The following ITSN1 variants were observed in gnomAD, a reference collection of about 807,000 sequenced individuals.
ITSN1 encodes the protein intersectin-1.
ITSN1 carries 58 observed loss-of-function variants against 239.8 expected under a neutral mutation model. That is an observed-to-expected ratio of 0.24 (90% CI 0.20 to 0.30). The LOEUF (loss-of-function observed/expected upper bound fraction) is 0.30. Ranked by LOEUF, ITSN1 falls within the 10% of genes least tolerant of loss-of-function variation. The pLI, the probability that ITSN1 is intolerant of heterozygous loss-of-function variation, is 1.00. For missense variants in ITSN1, 1,558 were observed against 2,103.3 expected (o/e 0.74, Z 5.07); for synonymous variants, 780 against 770.8 (o/e 1.01, Z -0.20).
intron 31 of ITSN1, among the ~76,000 whole-genome samples, chr21:33,860,883 G>T (rs1295023470): frequency 6.6e-6 from 1 of 152,142 alleles, no homozygotes; most frequent in Non-Finnish European, 1.5e-5. Flanking sequence ...TACCATGCAC[G>T]GTCATTCTGA....
intron 2 of ITSN1, among the ~76,000 whole-genome samples, chr21:33,719,277 T>C (rs1408278445): frequency 6.6e-6 from 1 of 151,828 alleles, no homozygotes; most frequent in African/African-American, 2.4e-5. Context: ...CCTGTCTCTA[T>C]GAAAAATACA....
chr21:33,855,782 G>A (rs1979209742), intron 29 of ITSN1, among the ~76,000 whole-genome samples: 2 of 152,228 alleles, frequency 1.3e-5, no homozygotes, highest in African/African-American at 4.8e-5. Context: ...CTCTGCAGTG[G>A]GAAGGACTAC....
At chr21:33,839,765 T>G (rs974476037) in intron 29 of ITSN1, among the ~76,000 whole-genome samples, 1 of 152,180 alleles carries the variant, frequency 6.6e-6, no homozygotes, top group Non-Finnish European at 1.5e-5. Flanking sequence ...TTGACATGGG[T>G]TGTTCCCCAG....
chr21:33,693,051 CT>C (rs2091621855), intron 1 of ITSN1, among the ~76,000 whole-genome samples: 1 of 152,178 alleles, frequency 6.6e-6, no homozygotes, highest in Non-Finnish European at 1.5e-5. Flanking sequence ...CCCACCTCGC[CT>C]CCCGAAGTGC....
intron 20 of ITSN1, among the ~76,000 whole-genome samples, chr21:33,807,801 T>G (rs373660944): frequency 6.6e-6 from 1 of 152,092 alleles, no homozygotes; most frequent in Non-Finnish European, 1.5e-5. Context: ...GGCAAGAAGG[T>G]AAACCTAGAG....
Position 33,663,051 on chromosome 21 carries a change from C to T in ITSN1, c.-33+20338C>T, listed in dbSNP as rs561604979. 5.9e-5 allele frequency among the ~76,000 whole-genome samples: 9 copies of T among 152,298 alleles called. No homozygotes were observed. In the South Asian group the frequency reaches 1.9e-3, roughly 32 times the overall value. On this transcript the variant is annotated intron_variant, in intron 1 of 39. Coordinates refer to ENST00000381318, the MANE Select transcript of ITSN1 (RefSeq NM_003024.3). ...AGATTTGGTATAAATGAGCTTTCAT[C>T]AGTATAGACACATCTCAGGCATTAG...
chr21:33,705,531 G>A (rs1347150884), intron 1 of ITSN1, among the ~76,000 whole-genome samples: 1 of 151,868 alleles, frequency 6.6e-6, no homozygotes, highest in East Asian at 1.9e-4. Context: ...GCGACTACAG[G>A]TGCCTGCCAC....
At position 33,750,177 on chromosome 21, in the gene ITSN1, A is replaced by G. The variant is rs1744137340; in HGVS notation, c.381A>G (p.Thr127=). 3 of 1,614,054 alleles carry G rather than the reference A, an allele frequency of 1.9e-6. No individual in the cohort carries two copies. The highest frequency in any genetic ancestry group is 8.5e-7 in the Non-Finnish European group (1 of 1,180,036). ...MGGIASMPPL[T]AVAPVPMGSI... ...GTATCGCCAGCATGCCACCGCTTAC[A>G]GCTGTTGCTCCAGTGCCAATGGGAT... is the stretch of plus-strand genomic sequence containing the variant. The change falls in exon 6 of 40, where the codon ACA becomes ACG. Residue 127 remains threonine (T), a synonymous_variant. Coordinates refer to ENST00000381318, the MANE Select transcript of ITSN1 (RefSeq NM_003024.3).
In ITSN1 at chr21:33,772,328, G is replaced by GC; in HGVS notation, c.1305+6dup. 6.4e-7 allele frequency: 1 copy of GC among 1,551,510 alleles called. No individual in the cohort carries two copies. The highest frequency in any genetic ancestry group is 8.7e-7 in the Non-Finnish European group (1 of 1,147,044). ...AAAGAAATTGAGAGGCGAGAGGTAAGCAGGCGAGAGTGGAGCCACCCGGAG... is the reference window on the plus strand; with the variant it reads ...AAAGAAATTGAGAGGCGAGAGGTAAGCCAGGCGAGAGTGGAGCCACCCGGAG... On this transcript the variant is annotated splice_donor_region_variant and intron_variant, in intron 12 of 39. Transcript: ENST00000381318.
chr21:33,721,143 C>A, intron 2 of ITSN1, 35 bp from the exon 3 acceptor site: 2 of 1,435,172 alleles, frequency 1.4e-6, no homozygotes, highest in Non-Finnish European at 2.0e-6. Context: ...CCTTTTCTCA[C>A]TGAATAATTT....
chr21:33,832,494 G>A (rs2074353082), intron 27 of ITSN1, among the ~76,000 whole-genome samples: 2 of 152,256 alleles, frequency 1.3e-5, no homozygotes, highest in Non-Finnish European at 1.5e-5. Flanking sequence ...TCAATAAAGT[G>A]GCTGAGTTGC....
chr21:33,851,696 G>A (rs554107948), intron 29 of ITSN1, among the ~76,000 whole-genome samples: 4 of 149,872 alleles, frequency 2.7e-5, no homozygotes, highest in East Asian at 2.0e-4. Flanking sequence ...ACTGCACCCG[G>A]CCTGGGCTCT....
Position 33,882,293 on chromosome 21 carries a change from G to T in ITSN1, c.4392G>T (p.Leu1464=). 1 of 1,614,190 alleles carries T rather than the reference G, an allele frequency of 6.2e-7. No homozygotes were observed. The highest frequency in any genetic ancestry group is 8.5e-7 in the Non-Finnish European group (1 of 1,180,038). The change falls in exon 35 of 40, where the codon CTG becomes CTT. Residue 1464 remains leucine (L), a synonymous_variant. Coordinates refer to ENST00000381318, the MANE Select transcript of ITSN1 (RefSeq NM_003024.3). This position sits in a 1 kb window ranked among gnomAD's most constrained non-coding sequence, Gnocchi z 4.5. ...VTNCLGPRKF[L]HSGKLYKAKS... ...ATTGCTTGGGGCCGCGCAAATTTCTGCACAGTGGGAAGCTCTACAAGGCCA... is the reference window on the plus strand; with the variant it reads ...ATTGCTTGGGGCCGCGCAAATTTCTTCACAGTGGGAAGCTCTACAAGGCCA...
chr21:33,659,058 C>T (rs539420812), intron 1 of ITSN1, among the ~76,000 whole-genome samples: 31 of 152,244 alleles, frequency 2.0e-4, no homozygotes, highest in East Asian at 7.7e-4. Flanking sequence ...TTCAGCCCTC[C>T]GCCACCACCA....
Position 33,718,807 on chromosome 21 carries a change from G to C in ITSN1, c.-22G>C, listed in dbSNP as rs748376131. On this transcript the variant is annotated 5_prime_UTR_variant, in exon 2 of 40. Coordinates refer to ENST00000381318, the MANE Select transcript of ITSN1 (RefSeq NM_003024.3). ...CATTTTCACTTACAGGCGTCGATTAGCAAGGTAAAAGTAACAGAACCATGG... is the reference window on the plus strand; with the variant it reads ...CATTTTCACTTACAGGCGTCGATTACCAAGGTAAAAGTAACAGAACCATGG... 1 of 1,610,052 alleles carries C rather than the reference G, an allele frequency of 6.2e-7. No homozygotes were observed. Among genetic ancestry groups the C allele is most frequent in the Admixed American group, 1.7e-5 (1 of 59,486 alleles).
intron 5 of ITSN1, among the ~76,000 whole-genome samples, chr21:33,740,502 G>C (rs1249907644): frequency 6.6e-6 from 1 of 152,188 alleles, no homozygotes; most frequent in East Asian, 1.9e-4. Flanking sequence ...TTGAGAGATG[G>C]AGTAAGAATA....
chr21:33,859,677 C>T (rs1466854170), intron 31 of ITSN1, among the ~76,000 whole-genome samples: 2 of 152,158 alleles, frequency 1.3e-5, no homozygotes, highest in African/African-American at 4.8e-5. Context: ...GTGGTCTCTG[C>T]ATTGTTCTTA....
At chr21:33,676,229 C>T (rs1167465332) in intron 1 of ITSN1, among the ~76,000 whole-genome samples, 1 of 151,976 alleles carries the variant, frequency 6.6e-6, no homozygotes, top group African/African-American at 2.4e-5. Context: ...GTGATCCCTC[C>T]GCTTCGGCCT....
At chr21:33,708,408 G>A (rs1456989148) in intron 1 of ITSN1, among the ~76,000 whole-genome samples, 1 of 151,148 alleles carries the variant, frequency 6.6e-6, no homozygotes, top group East Asian at 1.9e-4. Flanking sequence ...TTTTTTTTGA[G>A]ATGGAGTTTT....
Sources: gnomAD v4.1 joint callset for allele counts (sites outside exome capture counted in the v4.1 genomes callset) on GRCh38, gnomAD v4.1.1 for gene constraint, Gnocchi (gnomAD v3.1) non-coding constraint, MANE v1.5 for transcripts, NCBI Gene and HGNC (gene_info 2026-07-23, HGNC 2026-07-21) for gene names.